CYP46A1: variants seen among roughly 807,000 people sequenced by gnomAD.
CYP46A1 encodes cytochrome P450 family 46 subfamily A member 1, also known as cholesterol 24-hydroxylase.
CYP46A1 carries 20 observed loss-of-function variants against 63.3 expected under a neutral mutation model. The observed-to-expected ratio is 0.32, with a 90% CI of 0.22 to 0.46. The LOEUF is 0.46. Among genes scored for constraint, CYP46A1 ranks in the 20% least tolerant of loss-of-function variants. The pLI, the probability that CYP46A1 is intolerant of heterozygous loss-of-function variation, is 1.00. For synonymous variants in CYP46A1, 268 were observed against 273.6 expected (o/e 0.98, Z 0.20); for missense variants, 445 against 670.8 (o/e 0.66, Z 3.72).
intron 1 of CYP46A1, among the ~76,000 whole-genome samples, chr14:99,687,678 T>G (rs1015657623): frequency 1.3e-5 from 2 of 152,174 alleles, no homozygotes; most frequent in African/African-American, 4.8e-5. Context: ...GCCAAGGTTT[T>G]CTCTGCCCAC....
intron 10 of CYP46A1, 37 bp downstream of exon 10, chr14:99,718,163 G>A: frequency 6.3e-7 from 1 of 1,594,810 alleles, no homozygotes; most frequent in South Asian, 1.1e-5. Context: ...AAAGAGGTCT[G>A]TCTGATTTCT....
intron 1 of CYP46A1, among the ~76,000 whole-genome samples, chr14:99,687,513 G>T (rs557754674): frequency 6.6e-6 from 1 of 152,092 alleles, no homozygotes; most frequent in African/African-American, 2.4e-5. Context: ...CTGAGCACTC[G>T]CCACCCTGCC....
Position 99,715,927 on chromosome 14 carries a change from G to T in CYP46A1, c.811G>T (p.Val271Phe), listed in dbSNP as rs1228789673. 4 of 1,576,992 alleles carry T rather than the reference G, an allele frequency of 2.5e-6. No homozygotes were observed. The South Asian group carries it at 4.4e-5, about 18-fold the overall frequency. Residue 271 changes from valine (V) to phenylalanine (F), a missense_variant, in exon 8 of 15, where the codon GTT becomes TTT. This residue lies in a region of CYP46A1 where 252 missense variants were observed against 383.3 expected (regional missense o/e 0.66). Transcript: ENST00000261835. The part of the protein sequence containing the change: ...RREALKRGEE[V>F]PADILTQILK... Reference sequence around the variant, plus strand: ...GGAAGCCCTGAAGAGGGGCGAGGAGGTTCCTGCCGACATCCTCACACAGAT... The same window carrying T: ...GGAAGCCCTGAAGAGGGGCGAGGAGTTTCCTGCCGACATCCTCACACAGAT...
At position 99,684,533 on chromosome 14, in the gene CYP46A1, C is replaced by T; in HGVS notation, c.116C>T (p.Pro39Leu). 6.8e-7 allele frequency: 1 copy of T among 1,466,616 alleles called. No individual in the cohort carries two copies. Among genetic ancestry groups the T allele is most frequent in the Non-Finnish European group, 9.0e-7 (1 of 1,113,492 alleles). 90.9% of individuals were successfully genotyped at this position (1,466,616 alleles called of 1,614,324 possible). A position where few individuals can be genotyped will look rare whatever the true frequency, so the allele number is the denominator to read the frequency against. The change falls in exon 1 of 15, where the codon CCC becomes CTC. Residue 39 changes from proline (P) to leucine (L), a missense_variant. Pro to Leu is a moderately conservative substitution (Grantham distance 98). This residue lies in a region of CYP46A1 where 252 missense variants were observed against 383.3 expected (regional missense o/e 0.66). Coordinates refer to ENST00000261835, the MANE Select transcript of CYP46A1 (RefSeq NM_006668.2). ...RYEHIPGPPR[P>L]SFLLGHLPCF... is the part of the protein sequence containing the mutation. Reference sequence around the variant, plus strand: ...GAGCACATCCCCGGGCCGCCGCGGCCCAGGTGAGCGGGGCTGGGGGCGGGG... The same window carrying T: ...GAGCACATCCCCGGGCCGCCGCGGCTCAGGTGAGCGGGGCTGGGGGCGGGG...
chr14:99,718,937 C>A (rs984105624), intron 10 of CYP46A1, among the ~76,000 whole-genome samples: 3 of 151,940 alleles, frequency 2.0e-5, no homozygotes, highest in Non-Finnish European at 2.9e-5. Context: ...ACCCACCCAG[C>A]GGCACTTCGC....
At position 99,722,373 on chromosome 14, in the gene CYP46A1, T is replaced by C. The variant is rs186614309; in HGVS notation, c.1176+307T>C. ...GGTCACACAGCTGGTGAAAAGCAGA[T>C]ATGGAAATTGCCCAGTTTCACAGTT... On this transcript the variant is annotated intron_variant, in intron 12 of 14. Transcript: ENST00000261835. This position sits in a 1 kb window ranked among gnomAD's most constrained non-coding sequence, Gnocchi z 4.6. Among the ~76,000 whole-genome samples the C allele has an allele frequency of 6.6e-6, 1 of 152,298 alleles. No homozygotes were observed. The highest frequency in any genetic ancestry group is 2.4e-5 in the African/African-American group (1 of 41,550).
intron 1 of CYP46A1, among the ~76,000 whole-genome samples, chr14:99,689,426 G>A (rs902396841): frequency 6.6e-6 from 1 of 152,246 alleles, no homozygotes; most frequent in Non-Finnish European, 1.5e-5. Context: ...CTGGGGACTT[G>A]TGTAGAGCAC....
chr14:99,724,227 CAT>C (rs35897174), intron 12 of CYP46A1, among the ~76,000 whole-genome samples: 31,819 of 152,078 alleles, frequency 0.21, 3,707 homozygotes, highest in East Asian at 0.36. Context: ...AGGACTCCAA[CAT>C]ATGAGGATTT....
intron 12 of CYP46A1, among the ~76,000 whole-genome samples, chr14:99,724,595 C>G (rs548021422): frequency 6.6e-5 from 10 of 152,298 alleles, no homozygotes; most frequent in African/African-American, 2.2e-4. Flanking sequence ...TCATCTCCAT[C>G]AGGCCTTCGG....
At chr14:99,696,210 C>T (rs2056586315) in intron 3 of CYP46A1, among the ~76,000 whole-genome samples, 1 of 151,960 alleles carries the variant, frequency 6.6e-6, no homozygotes, top group African/African-American at 2.4e-5. Flanking sequence ...TCCTCCTTTC[C>T]TGCCTTCTTT....
At chr14:99,694,303 T>C (rs1342013219) in intron 3 of CYP46A1, among the ~76,000 whole-genome samples, 1 of 151,776 alleles carries the variant, frequency 6.6e-6, no homozygotes, top group Non-Finnish European at 1.5e-5. Flanking sequence ...TTCTTTTTTT[T>C]TTTTTAATGT....
chr14:99,706,734 A>C lies in CYP46A1; in HGVS notation c.531A>C (p.Pro177=), dbSNP rs748017615. 1.2e-6 allele frequency: 2 copies of C among 1,613,688 alleles called. No homozygotes were observed. The highest frequency in any genetic ancestry group is 8.5e-7 in the Non-Finnish European group (1 of 1,179,988). ...AAGCCAAGGCAGATGGGCAGACCCC[A>C]GTGTCCATGCAGGACATGCTGACCT... ...ILEAKADGQT[P]VSMQDMLTYT... The change falls in exon 6 of 15, where the codon CCA becomes CCC. Residue 177 remains proline (P), a synonymous_variant. Coordinates refer to ENST00000261835, the MANE Select transcript of CYP46A1 (RefSeq NM_006668.2).
chr14:99,723,402 G>A (rs2056867261), intron 12 of CYP46A1, among the ~76,000 whole-genome samples: 1 of 152,192 alleles, frequency 6.6e-6, no homozygotes, highest in Non-Finnish European at 1.5e-5. Flanking sequence ...TCTGCCTCCC[G>A]GGTTCAAGCG....
intron 10 of CYP46A1, 68 bp downstream of exon 10, chr14:99,718,194 C>T (rs2056810205): frequency 7.3e-7 from 1 of 1,365,836 alleles, no homozygotes; most frequent in African/African-American, 1.4e-5. Flanking sequence ...GGCCACCTGC[C>T]CCCACCTCCC....
rs111464964 is a variant in CYP46A1, at chr14:99,715,771, G to A, written c.694-39G>A. 2,416 of 1,613,662 alleles carry A rather than the reference G, an allele frequency of 1.5e-3. 28 individuals carry two copies. In the African/African-American group the frequency reaches 0.027, roughly 18 times the overall value. The stretch of plus-strand genomic sequence containing the variant: ...GGGGGAGAGGGGAGAGGGAACATGC[G>A]TGTTCACTTGGCCATCTGGAGCTGA... On this transcript the variant is annotated intron_variant, in intron 7 of 14. Transcript: ENST00000261835.
chr14:99,684,806 T>C (rs752730743), intron 1 of CYP46A1: 58 of 555,940 alleles, frequency 1.0e-4, no homozygotes, highest in African/African-American at 9.6e-4. Context: ...TAACCCATCG[T>C]TCAGACGAGG....
intron 12 of CYP46A1, among the ~76,000 whole-genome samples, chr14:99,724,907 T>C (rs11844192): frequency 0.012 from 1,894 of 152,280 alleles, 40 homozygotes; most frequent in African/African-American, 0.043. Context: ...CGTGGAAGGC[T>C]GGTGGGGTCT....
intron 8 of CYP46A1, 79 bp downstream of exon 8, chr14:99,716,039 T>C (rs2140134855): frequency 6.2e-7 from 1 of 1,609,246 alleles, no homozygotes; most frequent in Non-Finnish European, 8.5e-7. Flanking sequence ...CCACTGACTC[T>C]GTTTGGCTTA....
intron 12 of CYP46A1, among the ~76,000 whole-genome samples, chr14:99,724,471 C>G (rs562674409): frequency 1.3e-5 from 2 of 152,338 alleles, no homozygotes; most frequent in African/African-American, 4.8e-5. Flanking sequence ...CTTAGATCCC[C>G]TTACAGCCAG....
Sources: allele counts gnomAD v4.1 joint callset (sites outside exome capture counted in the v4.1 genomes callset), GRCh38; gene constraint gnomAD v4.1.1; regional missense constraint gnomAD v4.1.1; non-coding constraint Gnocchi (gnomAD v3.1); transcripts MANE v1.5; gene names NCBI Gene and HGNC (gene_info 2026-07-23, HGNC 2026-07-21).